Variants in SEL1L3 observed in about 807,000 individuals in gnomAD.
SEL1L3 encodes the protein SEL1L family member 3.
A neutral mutation model predicts 142.8 loss-of-function variants in SEL1L3; 76 were observed. The observed-to-expected ratio is 0.53, with a 90% CI of 0.44 to 0.64. The LOEUF is 0.64. Among genes scored for constraint, SEL1L3 ranks in the 30% least tolerant of loss-of-function variants. The pLI, the probability that SEL1L3 is intolerant of heterozygous loss-of-function variation, is 0.00. For synonymous variants in SEL1L3, 504 were observed against 519.6 expected, an observed-to-expected ratio of 0.97 and a Z score of 0.41; for missense variants, 1,262 against 1,381.7, an observed-to-expected ratio of 0.91 and a Z score of 1.37.
At chr4:25,859,933 A>T (rs1201660848) in intron 1 of SEL1L3, among the ~76,000 whole-genome samples, 3 of 152,238 alleles carry the variant, frequency 2.0e-5, no homozygotes, top group Admixed American at 1.3e-4. Context: ...GTAGCTGCTA[A>T]TTGCTAGAGC....
chr4:25,859,880 T>C (rs754092761), intron 1 of SEL1L3, among the ~76,000 whole-genome samples: 26 of 152,234 alleles, frequency 1.7e-4, no homozygotes, highest in Non-Finnish European at 2.4e-4. Flanking sequence ...TTGTATATTT[T>C]AGATTACTTT....
chr4:25,734,128 A>G, the SEL1L3 span, among the ~76,000 whole-genome samples: 1 of 152,070 alleles, frequency 6.6e-6, no homozygotes, highest in South Asian at 2.1e-4. Context: ...CGTTCAAGCC[A>G]TTCTCCTGCC....
Position 25,786,104 on chromosome 4 carries a change from T to A in SEL1L3, c.2218-1814A>T, listed in dbSNP as rs988541921. ...CACTGAGTGAATGGATGGAGGACAG[T>A]TGCTGCTGTCAAAGTCAAAGCTTTA... is the stretch of plus-strand genomic sequence containing the variant. On this transcript the variant is annotated intron_variant, in intron 13 of 23. Coordinates refer to ENST00000399878, the MANE Select transcript of SEL1L3 (RefSeq NM_015187.5). Among the ~76,000 whole-genome samples the A allele has an allele frequency of 2.0e-5, 3 of 152,140 alleles. No homozygotes were observed. The East Asian group carries it at 5.8e-4, about 29-fold the overall frequency.
the SEL1L3 span, among the ~76,000 whole-genome samples, chr4:25,739,866 T>C: frequency 6.6e-6 from 1 of 151,674 alleles, no homozygotes; most frequent in Non-Finnish European, 1.5e-5. Flanking sequence ...CTTTAGGGGG[T>C]TGGTTTTTAA....
chr4:25,845,570 A>G (rs1560352966), intron 2 of SEL1L3, among the ~76,000 whole-genome samples: 1 of 152,226 alleles, frequency 6.6e-6, no homozygotes, highest in African/African-American at 2.4e-5. Flanking sequence ...ACTATCATGT[A>G]TGGTGACACA....
At chr4:25,723,280 G>A in the SEL1L3 span, among the ~76,000 whole-genome samples, 1 of 152,210 alleles carries the variant, frequency 6.6e-6, no homozygotes, top group African/African-American at 2.4e-5. Context: ...TGAAAAGTAA[G>A]TTGAAGTATT....
intron 13 of SEL1L3, among the ~76,000 whole-genome samples, chr4:25,786,808 C>A (rs1194968360): frequency 6.6e-6 from 1 of 152,198 alleles, no homozygotes; most frequent in Non-Finnish European, 1.5e-5. Flanking sequence ...TATTTGACAA[C>A]TGGAAAGAGA....
At chr4:25,813,286 G>T (rs1033175524) in intron 9 of SEL1L3, among the ~76,000 whole-genome samples, 1 of 152,120 alleles carries the variant, frequency 6.6e-6, no homozygotes, top group African/African-American at 2.4e-5. Context: ...AATAGTCAAG[G>T]GGTGGAAGCA....
intron 17 of SEL1L3, among the ~76,000 whole-genome samples, chr4:25,770,837 G>C (rs7653919): frequency 0.71 from 107,528 of 151,688 alleles, 39,615 homozygotes; most frequent in African/African-American, 0.92. Flanking sequence ...CACCCAATGC[G>C]TGTACCACCA....
chr4:25,722,421 T>A, the SEL1L3 span, among the ~76,000 whole-genome samples: 1 of 152,138 alleles, frequency 6.6e-6, no homozygotes, highest in African/African-American at 2.4e-5. Context: ...TGGCATACTC[T>A]GATCCCATTT....
At chr4:25,722,435 A>G in the SEL1L3 span, among the ~76,000 whole-genome samples, 1 of 152,132 alleles carries the variant, frequency 6.6e-6, no homozygotes. Flanking sequence ...CCCATTTAAG[A>G]TGAACATGCC....
chr4:25,820,621 GTTTT>G (rs1472153301), intron 7 of SEL1L3, among the ~76,000 whole-genome samples: 1 of 152,178 alleles, frequency 6.6e-6, no homozygotes, highest in African/African-American at 2.4e-5. Context: ...TTTTGGTGGT[GTTTT>G]TTGTTTCTAT....
At chr4:25,849,692 A>C (rs2109312720) in intron 1 of SEL1L3, among the ~76,000 whole-genome samples, 1 of 152,348 alleles carries the variant, frequency 6.6e-6, no homozygotes, top group Non-Finnish European at 1.5e-5. Flanking sequence ...TAATGCTTGC[A>C]TATTTTTACC....
At chr4:25,784,316 T>A (rs1472016671) in intron 13 of SEL1L3, 26 bp from the exon 14 acceptor site, 1 of 1,595,472 alleles carries the variant, frequency 6.3e-7, no homozygotes, top group African/African-American at 1.3e-5. Flanking sequence ...CAGCGATGAT[T>A]ACAAAGAAAA....
At position 25,748,358 on chromosome 4, in the gene SEL1L3, C is replaced by A; in HGVS notation, c.*67G>T. The A allele has an allele frequency of 6.7e-7, 1 of 1,486,850 alleles. No homozygotes were observed. Among genetic ancestry groups the A allele is most frequent in the Non-Finnish European group, 9.1e-7 (1 of 1,096,012 alleles). The allele number at this position is 1,486,850 out of a possible 1,614,324, so 92.1% of individuals were successfully genotyped here. A position where few individuals can be genotyped will look rare whatever the true frequency, so the allele number is the denominator to read the frequency against. On this transcript the variant is annotated 3_prime_UTR_variant, in exon 24 of 24. Coordinates refer to ENST00000399878, the MANE Select transcript of SEL1L3 (RefSeq NM_015187.5). ...GGTGTTTATCAGGATCATGCCCTGGCCCCAGCTTCCCAATACCAGCTGTTG... is the reference window on the plus strand; with the variant it reads ...GGTGTTTATCAGGATCATGCCCTGGACCCAGCTTCCCAATACCAGCTGTTG...
intron 1 of SEL1L3, among the ~76,000 whole-genome samples, chr4:25,857,710 G>C (rs1274567371): frequency 6.6e-6 from 1 of 152,204 alleles, no homozygotes; most frequent in Non-Finnish European, 1.5e-5. Context: ...GCCAGGGAAG[G>C]TGTGCCTCTT....
At chr4:25,791,833 A>C (rs1712355425) in intron 11 of SEL1L3, among the ~76,000 whole-genome samples, 1 of 151,964 alleles carries the variant, frequency 6.6e-6, no homozygotes, top group South Asian at 2.1e-4. Context: ...GAATCGCTTG[A>C]ACCTGGGAGG....
the SEL1L3 span, among the ~76,000 whole-genome samples, chr4:25,729,891 G>A: frequency 6.6e-6 from 1 of 152,014 alleles, no homozygotes; most frequent in Non-Finnish European, 1.5e-5. Flanking sequence ...CATAAATCTT[G>A]TGATTTTAAG....
chr4:25,766,874 G>A (rs542471914), intron 19 of SEL1L3, among the ~76,000 whole-genome samples: 1 of 152,286 alleles, frequency 6.6e-6, no homozygotes, highest in East Asian at 1.9e-4. Flanking sequence ...GAGGAGTCCA[G>A]GAACTGTAGT....
Sources: gnomAD v4.1 joint callset for allele counts (sites outside exome capture counted in the v4.1 genomes callset) on GRCh38, gnomAD v4.1.1 for gene constraint, MANE v1.5 for transcripts, NCBI Gene and HGNC (gene_info 2026-07-23, HGNC 2026-07-21) for gene names.